Variants in C6orf118 observed in about 807,000 individuals in gnomAD.
C6orf118 encodes uncharacterized protein C6orf118.
Under a neutral mutation model 50.2 loss-of-function variants are expected in C6orf118, and 50 were observed. The observed-to-expected ratio is 1.00, with a 90% CI of 0.79 to 1.26. C6orf118 has a LOEUF of 1.26. C6orf118 is among the 50% of genes most tolerant of loss of function. The pLI is 0.00. For synonymous variants in C6orf118, 239 were observed against 230.9 expected, an observed-to-expected ratio of 1.03 and a Z score of -0.32; for missense variants, 641 against 578.7, an observed-to-expected ratio of 1.11 and a Z score of -1.10.
chr6:165,281,514 T>G, intron 8 of C6orf118, 126 bp downstream of exon 8: 1 of 1,420,392 alleles, frequency 7.0e-7, no homozygotes, highest in Non-Finnish European at 9.2e-7. Context: ...TCCTATGATC[T>G]GCTTCACATG....
rs1421072725 is a variant in C6orf118, at chr6:165,300,799, C to T, written c.754-313G>A. 2.0e-5 allele frequency among the ~76,000 whole-genome samples: 3 copies of T among 152,252 alleles called. No individual in the cohort carries two copies. In the East Asian group the frequency reaches 5.8e-4, roughly 29 times the overall value. On this transcript the variant is annotated intron_variant, in intron 2 of 8. Coordinates refer to ENST00000230301, the MANE Select transcript of C6orf118 (RefSeq NM_144980.4). Reference sequence around the variant, plus strand: ...CCCTTTCTCTCTTCCAACCCCAAGGCCTGGCTGCTTCCTGGGGGCCTGCTA... The same window carrying T: ...CCCTTTCTCTCTTCCAACCCCAAGGTCTGGCTGCTTCCTGGGGGCCTGCTA...
intron 7 of C6orf118, among the ~76,000 whole-genome samples, chr6:165,282,870 T>C (rs948834287): frequency 6.6e-6 from 1 of 152,160 alleles, no homozygotes; most frequent in Non-Finnish European, 1.5e-5. Flanking sequence ...AGGTTTTAAT[T>C]ATGAAAGAAT....
intron 5 of C6orf118, among the ~76,000 whole-genome samples, chr6:165,296,699 G>A (rs756683880): frequency 1.3e-5 from 2 of 152,242 alleles, no homozygotes; most frequent in Middle Eastern, 3.4e-3. Flanking sequence ...CTGGTGGAGC[G>A]AGTGTGTTTC....
At chr6:165,292,351 G>A (rs755150482) in intron 6 of C6orf118, among the ~76,000 whole-genome samples, 5 of 152,184 alleles carry the variant, frequency 3.3e-5, no homozygotes, top group Non-Finnish European at 7.3e-5. Context: ...AGGGGCACCA[G>A]GTTTGTTCCA....
intron 6 of C6orf118, among the ~76,000 whole-genome samples, chr6:165,291,661 G>A (rs1780109800): frequency 6.6e-6 from 1 of 152,130 alleles, no homozygotes; most frequent in Admixed American, 6.5e-5. Flanking sequence ...TTTTTAGCAG[G>A]TAAAATAGAT....
At chr6:165,283,643 A>C (rs1216029341) in intron 7 of C6orf118, among the ~76,000 whole-genome samples, 2 of 152,198 alleles carry the variant, frequency 1.3e-5, no homozygotes, top group Non-Finnish European at 2.9e-5. Flanking sequence ...GCTGTTCTGC[A>C]GCCTCCATTT....
intron 7 of C6orf118, among the ~76,000 whole-genome samples, chr6:165,289,056 C>T (rs967428323): frequency 2.0e-5 from 3 of 151,368 alleles, no homozygotes; most frequent in Admixed American, 1.3e-4. Flanking sequence ...AACAGTAAAC[C>T]ATAGCGTTTC....
intron 7 of C6orf118, 186 bp from the exon 8 acceptor site, chr6:165,281,879 G>T (rs1006081780): frequency 2.1e-5 from 7 of 338,806 alleles, no homozygotes; most frequent in Non-Finnish European, 3.8e-5. Flanking sequence ...GAAAGATCCT[G>T]GTCCTCCCGG....
At position 165,301,590 on chromosome 6, in the gene C6orf118, G is replaced by A; in HGVS notation, c.732C>T (p.Gly244=). 6.2e-7 allele frequency: 1 copy of A among 1,613,078 alleles called. No individual in the cohort carries two copies. The highest frequency in any genetic ancestry group is 1.1e-5 in the South Asian group (1 of 91,008). The change falls in exon 2 of 9, where the codon GGC becomes GGT. Residue 244 remains glycine, a synonymous_variant. Coordinates refer to ENST00000230301, the MANE Select transcript of C6orf118 (RefSeq NM_144980.4). ...NDFTGSKAAA[G]HERKLQQELQ... is the part of the protein sequence containing the mutation. ...TCACCTGCTGCAGCTTTCTCTCGTG[G>A]CCCGCGGCCGCCTTGCTCCCAGTGA...
chr6:165,293,338 G>A, intron 6 of C6orf118, 75 bp downstream of exon 6: 1 of 1,338,804 alleles, frequency 7.5e-7, no homozygotes. Flanking sequence ...CAGACAGGCA[G>A]CCACACTGCA....
intron 7 of C6orf118, chr6:165,282,080 G>C (rs1481397835): frequency 1.3e-5 from 2 of 153,798 alleles, no homozygotes; most frequent in African/African-American, 4.8e-5. Flanking sequence ...ACTGTAAGGG[G>C]AAATTTTTAA....
chr6:165,280,589 G>T (rs894891938), intron 8 of C6orf118, among the ~76,000 whole-genome samples: 5 of 152,146 alleles, frequency 3.3e-5, no homozygotes, highest in Non-Finnish European at 7.4e-5. Flanking sequence ...TCTATGTTCT[G>T]GCCTCTCTTA....
intron 2 of C6orf118, 99 bp downstream of exon 2, chr6:165,301,470 C>G: frequency 6.8e-7 from 1 of 1,475,996 alleles, no homozygotes; most frequent in Non-Finnish European, 9.0e-7. Context: ...GAGCTCTGCC[C>G]CGAGAGGTTT....
chr6:165,299,193 A>G (rs1780422336), intron 4 of C6orf118, among the ~76,000 whole-genome samples: 1 of 152,246 alleles, frequency 6.6e-6, no homozygotes, highest in Admixed American at 6.5e-5. Context: ...TTATATTCCC[A>G]ATTTATACAT....
chr6:165,306,703 T>A (rs1199268658), intron 1 of C6orf118, among the ~76,000 whole-genome samples: 3 of 152,120 alleles, frequency 2.0e-5, no homozygotes, highest in African/African-American at 7.2e-5. Flanking sequence ...TGTTGTGTTA[T>A]CCTTTGTTTA....
chr6:165,301,482 C>A, intron 2 of C6orf118, 87 bp downstream of exon 2: 1 of 1,506,142 alleles, frequency 6.6e-7, no homozygotes. Flanking sequence ...GAGAGGTTTG[C>A]CCCAGAGCTG....
chr6:165,297,205 G>A (rs953904157), intron 5 of C6orf118, among the ~76,000 whole-genome samples: 1 of 152,052 alleles, frequency 6.6e-6, no homozygotes, highest in African/African-American at 2.4e-5. Flanking sequence ...TGGATCACTT[G>A]AGGTCAGGAG....
chr6:165,284,315 G>A (rs549682335), intron 7 of C6orf118, among the ~76,000 whole-genome samples: 1 of 152,146 alleles, frequency 6.6e-6, no homozygotes, highest in East Asian at 1.9e-4. Flanking sequence ...TGAGAACTAT[G>A]GGATTATGTA....
At position 165,279,913 on chromosome 6, in the gene C6orf118, T is replaced by TACC. The variant is rs1344189788; in HGVS notation, c.*143_*144insGGT. 5.2e-6 allele frequency: 4 copies of TACC among 762,294 alleles called. No individual in the cohort carries two copies. In the African/African-American group the frequency reaches 7.2e-5, roughly 14 times the overall value. 47.2% of individuals were successfully genotyped at this position (762,294 alleles called of 1,614,324 possible). A position where few individuals can be genotyped will look rare whatever the true frequency, so the allele number is the denominator to read the frequency against. Reference sequence around the variant, plus strand: ...GTGTATTTCAGTATCCTGAGTAGGATACATATACCACATTAATTTTACTAG... The same window carrying TACC: ...GTGTATTTCAGTATCCTGAGTAGGATACCACATATACCACATTAATTTTACTAG... On this transcript the variant is annotated 3_prime_UTR_variant, in exon 9 of 9. Coordinates refer to ENST00000230301, the MANE Select transcript of C6orf118 (RefSeq NM_144980.4).
Sources: allele counts gnomAD v4.1 joint callset (sites outside exome capture counted in the v4.1 genomes callset), GRCh38; gene constraint gnomAD v4.1.1; transcripts MANE v1.5; gene names NCBI Gene and HGNC (gene_info 2026-07-23, HGNC 2026-07-21).